The following DCC variants were observed in gnomAD, a reference collection of about 807,000 sequenced individuals.
DCC encodes netrin receptor DCC.
DCC carries 58 observed loss-of-function variants against 172.5 expected under a neutral mutation model. That is an observed-to-expected ratio of 0.34 (90% confidence interval 0.27 to 0.42). The LOEUF is 0.42. DCC is among the 10% of genes least tolerant of loss of function. The pLI is 1.00. For missense variants in DCC, 1,740 were observed against 1,791.0 expected (o/e 0.97, Z 0.51); for synonymous variants, 709 against 644.5 (o/e 1.10, Z -1.52).
At chr18:53,342,452 A>G (rs987038900) in intron 15 of DCC, among the ~76,000 whole-genome samples, 1 of 151,828 alleles carries the variant, frequency 6.6e-6, no homozygotes, top group Non-Finnish European at 1.5e-5. Context: ...CTACCTACCA[A>G]TTGATCTATT....
chr18:52,403,167 C>T lies in DCC; in HGVS notation c.91+62289C>T, dbSNP rs182553572. ...AAGCTTTGCCTATAGTAAAGTTTAC[C>T]GTATGTTTTCTAGTAATTTTTAAGA... On this transcript the variant is annotated intron_variant, in intron 1 of 28. Transcript: ENST00000442544. Among the ~76,000 whole-genome samples, 11 of 151,968 alleles carry T rather than the reference C, an allele frequency of 7.2e-5. No homozygotes were observed. The East Asian group carries it at 1.9e-3, about 27-fold the overall frequency.
At chr18:53,346,731 T>TG (rs1229174360) in intron 15 of DCC, among the ~76,000 whole-genome samples, 6 of 152,228 alleles carry the variant, frequency 3.9e-5, no homozygotes, top group African/African-American at 1.4e-4. Context: ...TACTTTAGCA[T>TG]GTTTCTCTGA....
chr18:53,418,149 G>T (rs908310955), intron 21 of DCC, among the ~76,000 whole-genome samples: 11 of 152,164 alleles, frequency 7.2e-5, no homozygotes, highest in African/African-American at 2.7e-4. Flanking sequence ...TTGGCATGTA[G>T]TTAGTTGATC....
At chr18:52,761,908 C>CAAAAAAA (rs1222086354) in intron 2 of DCC, among the ~76,000 whole-genome samples, 2 of 48,396 alleles carry the variant, frequency 4.1e-5, no homozygotes, top group African/African-American at 6.0e-5. Flanking sequence ...GACTCTGTCT[C>CAAAAAAA]AAAAAAAAAA....
chr18:52,982,907 C>T (rs1292520347), intron 5 of DCC, among the ~76,000 whole-genome samples: 2 of 152,170 alleles, frequency 1.3e-5, no homozygotes, highest in Non-Finnish European at 2.9e-5. Flanking sequence ...CTTTCACCCT[C>T]TTCTTCTCCA....
At chr18:52,699,772 T>C (rs963829623) in intron 1 of DCC, among the ~76,000 whole-genome samples, 4 of 152,170 alleles carry the variant, frequency 2.6e-5, no homozygotes, top group African/African-American at 9.7e-5. Flanking sequence ...ACTTTTTTTT[T>C]CTCTGAATTG....
At chr18:53,147,339 T>C (rs558939208) in intron 7 of DCC, among the ~76,000 whole-genome samples, 1 of 152,288 alleles carries the variant, frequency 6.6e-6, no homozygotes, top group Admixed American at 6.5e-5. Context: ...TATAGAGGCC[T>C]GGATGGTCAT....
intron 1 of DCC, among the ~76,000 whole-genome samples, chr18:52,596,991 C>A (rs1162786088): frequency 1.3e-5 from 2 of 152,126 alleles, no homozygotes; most frequent in East Asian, 3.9e-4. Context: ...ATCTCCCAGG[C>A]CTTCCTTTGC....
chr18:52,605,589 A>G (rs1407206003), intron 1 of DCC, among the ~76,000 whole-genome samples: 1 of 152,162 alleles, frequency 6.6e-6, no homozygotes, highest in Non-Finnish European at 1.5e-5. Context: ...AGAGTGTAAA[A>G]CATTTACAAT....
At chr18:53,516,181 G>C (rs936667919) in intron 27 of DCC, among the ~76,000 whole-genome samples, 2 of 151,070 alleles carry the variant, frequency 1.3e-5, no homozygotes, top group African/African-American at 4.9e-5. Context: ...ACAAACCTGA[G>C]AAAAACAAGC....
chr18:52,476,123 C>G (rs751640960), intron 1 of DCC, among the ~76,000 whole-genome samples: 1 of 152,176 alleles, frequency 6.6e-6, no homozygotes, highest in Non-Finnish European at 1.5e-5. Flanking sequence ...AGCACAGGCT[C>G]AATGAAAATC....
At chr18:52,883,307 GTTTTAT>G (rs1555677276) in intron 2 of DCC, among the ~76,000 whole-genome samples, 1 of 141,730 alleles carries the variant, frequency 7.1e-6, no homozygotes, top group African/African-American at 2.7e-5. Context: ...TTTGTTTTCT[GTTTTAT>G]TTTTATTTTA....
At chr18:52,989,112 G>A (rs1443698583) in intron 5 of DCC, among the ~76,000 whole-genome samples, 1 of 151,888 alleles carries the variant, frequency 6.6e-6, no homozygotes, top group African/African-American at 2.4e-5. Context: ...GAGGGATAGA[G>A]AGAATAGTTT....
chr18:52,840,032 G>A (rs150947074), intron 2 of DCC, among the ~76,000 whole-genome samples: 39 of 152,268 alleles, frequency 2.6e-4, no homozygotes, highest in African/African-American at 7.9e-4. Context: ...AAGGTTTCTC[G>A]TTCATTAGTT....
rs763023069 is a variant in DCC at position 53,205,201 on chromosome 18, TA to T, written c.1574-14del. 8 of 1,608,186 alleles carry T rather than the reference TA, an allele frequency of 5.0e-6. No homozygotes were observed. In the South Asian group the frequency reaches 6.6e-5, roughly 13 times the overall value. ...TAATCACTTTTCTTTCTTTCTTTAT[TA>T]TTTTTTTATACAGTGCAAGTTCCAG... On this transcript the variant is annotated splice_polypyrimidine_tract_variant and intron_variant, in intron 9 of 28. Transcript: ENST00000442544.
chr18:52,772,605 A>G (rs2037362584), intron 2 of DCC, among the ~76,000 whole-genome samples: 1 of 152,316 alleles, frequency 6.6e-6, no homozygotes, highest in East Asian at 1.9e-4. Context: ...AGCCAGCTGT[A>G]TTTTCTCCTT....
chr18:53,455,942 G>T (rs961707697), intron 23 of DCC, among the ~76,000 whole-genome samples: 2 of 152,136 alleles, frequency 1.3e-5, no homozygotes, highest in Non-Finnish European at 1.5e-5. Flanking sequence ...CATAAATATT[G>T]ATTGAATAAA....
At chr18:53,266,565 T>C (rs2056970233) in intron 12 of DCC, among the ~76,000 whole-genome samples, 1 of 152,162 alleles carries the variant, frequency 6.6e-6, no homozygotes, top group South Asian at 2.1e-4. Context: ...GTAATTCACA[T>C]GCCATAAAAT....
intron 2 of DCC, among the ~76,000 whole-genome samples, chr18:52,837,786 G>A: frequency 6.6e-6 from 1 of 152,074 alleles, no homozygotes; most frequent in South Asian, 2.1e-4. Flanking sequence ...TACTGTATTA[G>A]TCCATTCTCA....
Sources: allele counts gnomAD v4.1 joint callset (sites outside exome capture counted in the v4.1 genomes callset), GRCh38; gene constraint gnomAD v4.1.1; transcripts MANE v1.5; gene names NCBI Gene and HGNC (gene_info 2026-07-23, HGNC 2026-07-21).